TXLNB: variants seen among roughly 807,000 people sequenced by gnomAD.
TXLNB encodes the protein taxilin beta.
TXLNB carries 37 observed loss-of-function variants against 57.4 expected under a neutral mutation model. That is an observed-to-expected ratio of 0.64 (90% CI 0.50 to 0.85). The LOEUF (loss-of-function observed/expected upper bound fraction) is 0.85. Ranked by LOEUF, TXLNB falls within the 40% of genes least tolerant of loss-of-function variation. The pLI is 0.00. For synonymous variants in TXLNB, 302 were observed against 309.6 expected, an observed-to-expected ratio of 0.98 and a Z score of 0.26; for missense variants, 848 against 825.6, an observed-to-expected ratio of 1.03 and a Z score of -0.33.
intron 7 of TXLNB, among the ~76,000 whole-genome samples, chr6:139,253,859 G>A (rs993630228): frequency 3.9e-5 from 6 of 152,278 alleles, no homozygotes; most frequent in African/African-American, 1.4e-4. Context: ...TGTGAACAGT[G>A]CACAGCTTCA....
the TXLNB span, among the ~76,000 whole-genome samples, chr6:139,301,431 T>C: frequency 2.0e-5 from 3 of 152,202 alleles, no homozygotes; most frequent in African/African-American, 2.4e-5. Flanking sequence ...TGAGTAAGCC[T>C]CTGCAACCTC....
intron 2 of TXLNB, among the ~76,000 whole-genome samples, chr6:139,281,828 G>A (rs1216926307): frequency 8.6e-6 from 1 of 116,676 alleles, no homozygotes; most frequent in East Asian, 2.2e-4. Flanking sequence ...GATTCCAGGC[G>A]TGAGCCACCG....
intron 5 of TXLNB, among the ~76,000 whole-genome samples, chr6:139,262,257 G>C (rs187332550): frequency 1.5e-4 from 23 of 152,262 alleles, no homozygotes; most frequent in African/African-American, 4.8e-4. Flanking sequence ...GAGGGAGTGC[G>C]TGAGTTATTT....
intron 7 of TXLNB, among the ~76,000 whole-genome samples, chr6:139,248,265 T>G (rs1417581327): frequency 7.2e-6 from 1 of 139,430 alleles, no homozygotes; most frequent in Non-Finnish European, 1.5e-5. Flanking sequence ...AGAGCGAGAC[T>G]CCGTCTCAAA....
At chr6:139,278,787 C>T (rs7761074) in intron 2 of TXLNB, among the ~76,000 whole-genome samples, 3,040 of 152,268 alleles carry the variant, frequency 0.02, 85 homozygotes, top group African/African-American at 0.066. Context: ...GGGCGGATCA[C>T]GAGGTCAGGA....
At chr6:139,182,374 C>T in the TXLNB span, among the ~76,000 whole-genome samples, 8 of 152,140 alleles carry the variant, frequency 5.3e-5, no homozygotes, top group Non-Finnish European at 8.8e-5. Context: ...AGGTACAGTT[C>T]ATACTGTAGA....
chr6:139,181,522 A>G, the TXLNB span, among the ~76,000 whole-genome samples: 1 of 152,344 alleles, frequency 6.6e-6, no homozygotes, highest in South Asian at 2.1e-4. Context: ...CGGTGCTTGT[A>G]TTCAGGTCAC....
At chr6:139,247,958 A>G (rs1288634072) in intron 7 of TXLNB, 49 bp from the exon 8 acceptor site, 1 of 1,113,456 alleles carries the variant, frequency 9.0e-7, no homozygotes, top group Non-Finnish European at 1.3e-6. Flanking sequence ...CCAGAAGAAA[A>G]CATGTCATTG....
chr6:139,302,726 G>A, the TXLNB span, among the ~76,000 whole-genome samples: 4 of 151,982 alleles, frequency 2.6e-5, no homozygotes, highest in African/African-American at 9.7e-5. Context: ...GGAGGTTGCA[G>A]TGAGCTGAGA....
chr6:139,288,512 C>A lies in TXLNB; in HGVS notation c.388G>T (p.Glu130Ter). 2 of 1,614,172 alleles carry A rather than the reference C, an allele frequency of 1.2e-6. No homozygotes were observed. The highest frequency in any genetic ancestry group is 1.7e-6 in the Non-Finnish European group (2 of 1,180,018). The change falls in exon 2 of 10, where the codon GAG becomes TAG. Residue 130 changes from glutamate to a stop codon, truncating the protein, a stop_gained. Coordinates refer to ENST00000358430, the MANE Select transcript of TXLNB (RefSeq NM_153235.4). LOFTEE classifies it high-confidence loss of function. ...PTVKEPVSNK[E>*]QKLEKKILKG... ...AGGATTTTCTTTTCCAATTTTTGCT[C>A]CTTATTGCTGACGGGCTCTTTGACA...
At chr6:139,246,037 G>A (rs1776059288) in intron 8 of TXLNB, among the ~76,000 whole-genome samples, 2 of 152,134 alleles carry the variant, frequency 1.3e-5, no homozygotes, top group Non-Finnish European at 2.9e-5. Context: ...TAAGAATGTG[G>A]TGAAAGCTAT....
At chr6:139,189,958 C>G in the TXLNB span, among the ~76,000 whole-genome samples, 1 of 152,274 alleles carries the variant, frequency 6.6e-6, no homozygotes, top group Non-Finnish European at 1.5e-5. Flanking sequence ...AGGGCTGTGC[C>G]CATTAGCTGT....
intron 3 of TXLNB, among the ~76,000 whole-genome samples, chr6:139,274,536 T>C (rs1457192435): frequency 6.6e-6 from 1 of 152,222 alleles, no homozygotes; most frequent in East Asian, 1.9e-4. Flanking sequence ...TGCCAAAATA[T>C]AGCAAGTAAG....
chr6:139,161,229 C>T, the TXLNB span, among the ~76,000 whole-genome samples: 1 of 152,144 alleles, frequency 6.6e-6, no homozygotes, highest in Non-Finnish European at 1.5e-5. Flanking sequence ...CTGGGAGCCT[C>T]ACCCTGCTGG....
downstream of TXLNB, among the ~76,000 whole-genome samples, chr6:139,238,862 CT>C (rs1348666989): frequency 6.6e-6 from 1 of 152,132 alleles, no homozygotes; most frequent in Non-Finnish European, 1.5e-5. Context: ...AATTATTTTA[CT>C]TTCCCAAATA....
chr6:139,202,562 C>T, the TXLNB span, among the ~76,000 whole-genome samples: 636 of 152,062 alleles, frequency 4.2e-3, 4 homozygotes, highest in African/African-American at 0.015. Flanking sequence ...TTATTTTTCT[C>T]GTAAATCTTT....
chr6:139,176,991 C>A, the TXLNB span: 1 of 872,648 alleles, frequency 1.1e-6, no homozygotes, highest in Admixed American at 1.7e-5. This position sits in a 1 kb window ranked among gnomAD's most constrained non-coding sequence, Gnocchi z 4.5. Flanking sequence ...ACGTGAGGAT[C>A]GGGATGCAGT....
rs1777143157 is a variant in TXLNB, at chr6:139,285,230, C to T, written c.424+3246G>A. ...CCCAAATTGGTTATTTTAACTTTAT[C>T]CCTATTTTCTTCATATCTTTCCCCT... On this transcript the variant is annotated intron_variant, in intron 2 of 9. Coordinates refer to ENST00000358430, the MANE Select transcript of TXLNB (RefSeq NM_153235.4). Among the ~76,000 whole-genome samples the T allele has an allele frequency of 1.3e-4, 18 of 138,030 alleles. 2 individuals are homozygous for T. In the South Asian group the frequency reaches 4.6e-3, roughly 35 times the overall value. 90.6% of individuals were successfully genotyped at this position (138,030 alleles called of 152,430 possible).
chr6:139,234,445 G>A, the TXLNB span: 1 of 152,370 alleles, frequency 6.6e-6, no homozygotes, highest in South Asian at 2.1e-4. Flanking sequence ...GCAGCCTTGG[G>A]ACATGGGGCC....
Sources: gnomAD v4.1 joint callset for allele counts (sites outside exome capture counted in the v4.1 genomes callset) on GRCh38, gnomAD v4.1.1 for gene constraint, Gnocchi (gnomAD v3.1) non-coding constraint, MANE v1.5 for transcripts, NCBI Gene and HGNC (gene_info 2026-07-23, HGNC 2026-07-21) for gene names.